Variants in MTMR7 observed in about 807,000 individuals in gnomAD.
The protein encoded by MTMR7 is myotubularin related protein 7, also known as phosphatidylinositol-3-phosphate phosphatase MTMR7.
MTMR7 carries 76 observed loss-of-function variants against 81.2 expected under a neutral mutation model. The ratio of observed to expected loss-of-function variants is 0.94; its 90% CI spans 0.78 to 1.13. MTMR7 has a LOEUF of 1.13. Ranked by LOEUF, MTMR7 falls within the 50% of genes most tolerant of loss-of-function variation. MTMR7 has a pLI of 0.00. For synonymous variants in MTMR7, 372 were observed against 289.8 expected (o/e 1.28, Z -2.88); for missense variants, 1,044 against 820.0 (o/e 1.27, Z -3.34).
intron 8 of MTMR7, among the ~76,000 whole-genome samples, chr8:17,312,028 A>G (rs540067275): frequency 5.3e-5 from 8 of 152,308 alleles, no homozygotes; most frequent in South Asian, 4.1e-4. Flanking sequence ...CAAAAAAGTT[A>G]TAAATTACAG....
At chr8:17,360,477 G>A (rs2150556481) in intron 4 of MTMR7, among the ~76,000 whole-genome samples, 1 of 146,066 alleles carries the variant, frequency 6.8e-6, no homozygotes, top group East Asian at 1.9e-4. Context: ...GTGGGTTTGG[G>A]GTTTTTTTTT....
chr8:17,337,491 G>A (rs17124417), intron 6 of MTMR7, among the ~76,000 whole-genome samples: 9,166 of 152,180 alleles, frequency 0.06, 874 homozygotes, highest in African/African-American at 0.2. Flanking sequence ...CGAAGACTGC[G>A]ACAACACCTT....
At chr8:17,339,756 T>C (rs1366883216) in intron 6 of MTMR7, among the ~76,000 whole-genome samples, 2 of 152,248 alleles carry the variant, frequency 1.3e-5, no homozygotes, top group African/African-American at 4.8e-5. Flanking sequence ...CTCTTGGTTA[T>C]ATACCTAGGA....
At chr8:17,333,321 T>C (rs1047259791) in intron 6 of MTMR7, among the ~76,000 whole-genome samples, 2 of 152,242 alleles carry the variant, frequency 1.3e-5, no homozygotes, top group African/African-American at 4.8e-5. Flanking sequence ...GGGAAAACTT[T>C]TGTAAAATTA....
At chr8:17,337,298 G>A (rs565850893) in intron 6 of MTMR7, among the ~76,000 whole-genome samples, 13 of 151,044 alleles carry the variant, frequency 8.6e-5, no homozygotes, top group Non-Finnish European at 1.8e-4. Context: ...CCGGGAGATG[G>A]AGGTTGCAGT....
intron 1 of MTMR7, among the ~76,000 whole-genome samples, chr8:17,396,028 G>C (rs1157646751): frequency 6.6e-6 from 1 of 151,684 alleles, no homozygotes; most frequent in African/African-American, 2.4e-5. Context: ...CCGGAAATAA[G>C]TATATTTATG....
chr8:17,363,724 A>C (rs1201745140), intron 3 of MTMR7, among the ~76,000 whole-genome samples: 1 of 152,092 alleles, frequency 6.6e-6, no homozygotes, highest in Non-Finnish European at 1.5e-5. Context: ...CAAGCTTCTT[A>C]CCCACAGGCA....
intron 7 of MTMR7, among the ~76,000 whole-genome samples, chr8:17,320,962 C>T (rs1283377397): frequency 1.3e-5 from 2 of 152,030 alleles, no homozygotes; most frequent in Non-Finnish European, 2.9e-5. Flanking sequence ...GCAATTGATT[C>T]CTCCAAGCCT....
intron 4 of MTMR7, among the ~76,000 whole-genome samples, chr8:17,353,388 C>T (rs912030015): frequency 1.4e-4 from 22 of 152,106 alleles, no homozygotes; most frequent in African/African-American, 5.1e-4. Context: ...CTACTTAACA[C>T]TCCTAAACTA....
chr8:17,306,203 G>C (rs769161325), intron 10 of MTMR7, among the ~76,000 whole-genome samples: 1 of 152,124 alleles, frequency 6.6e-6, no homozygotes, highest in Non-Finnish European at 1.5e-5. Context: ...GTTAGTGCAA[G>C]AAATAAAATT....
chr8:17,378,837 G>T (rs1820671066), intron 1 of MTMR7, among the ~76,000 whole-genome samples: 1 of 152,132 alleles, frequency 6.6e-6, no homozygotes, highest in Non-Finnish European at 1.5e-5. Flanking sequence ...AAATCTTGCT[G>T]CCTCTTAGCA....
intron 3 of MTMR7, among the ~76,000 whole-genome samples, chr8:17,368,294 G>A (rs533175563): frequency 2.4e-4 from 37 of 152,248 alleles, no homozygotes; most frequent in Non-Finnish European, 2.5e-4. Flanking sequence ...TTCCTAACCC[G>A]CCATAGACTG....
At chr8:17,313,470 A>G in intron 7 of MTMR7, 69 bp from the exon 8 acceptor site, 1 of 1,022,618 alleles carries the variant, frequency 9.8e-7, no homozygotes, top group Middle Eastern at 2.1e-4. Context: ...ATCATGTTTT[A>G]TAGGTAGTTT....
intron 1 of MTMR7, among the ~76,000 whole-genome samples, chr8:17,393,257 C>T (rs1416852649): frequency 6.6e-6 from 1 of 152,158 alleles, no homozygotes; most frequent in Admixed American, 6.5e-5. Context: ...CTATCTCACA[C>T]CATATACAAA....
intron 1 of MTMR7, among the ~76,000 whole-genome samples, chr8:17,383,565 G>T (rs1820828908): frequency 6.6e-6 from 1 of 152,168 alleles, no homozygotes; most frequent in Non-Finnish European, 1.5e-5. Context: ...TTCAGTCTGG[G>T]TCTAATATTG....
At chr8:17,375,205 C>T (rs928665758) in intron 1 of MTMR7, among the ~76,000 whole-genome samples, 4 of 152,150 alleles carry the variant, frequency 2.6e-5, no homozygotes, top group Non-Finnish European at 5.9e-5. Flanking sequence ...TTCCTCAAAA[C>T]ACCAAGAGCA....
chr8:17,344,432 T>A (rs2150544807), intron 5 of MTMR7, among the ~76,000 whole-genome samples: 1 of 152,238 alleles, frequency 6.6e-6, no homozygotes, highest in Non-Finnish European at 1.5e-5. Context: ...GCCAACATGG[T>A]GAAACCTGTC....
intron 8 of MTMR7, among the ~76,000 whole-genome samples, chr8:17,312,974 G>A (rs1817875685): frequency 6.6e-6 from 1 of 152,094 alleles, no homozygotes; most frequent in African/African-American, 2.4e-5. Context: ...TAAGCCCCAA[G>A]CCCCATCACT....
chr8:17,393,490 C>T lies in MTMR7; in HGVS notation c.24+19779G>A, dbSNP rs564467695. Among the ~76,000 whole-genome samples the T allele has an allele frequency of 1.1e-4, 16 of 152,086 alleles. No homozygotes were observed. The South Asian group carries it at 1.9e-3, about 18-fold the overall frequency. On this transcript the variant is annotated intron_variant, in intron 1 of 13. Transcript: ENST00000180173. The stretch of plus-strand genomic sequence containing the variant: ...AGTCACATATCGAATTATTTAGTAC[C>T]CCAAATCCATAAAGAACATTTACAG...
Sources: gnomAD v4.1 joint callset for allele counts (sites outside exome capture counted in the v4.1 genomes callset) on GRCh38, gnomAD v4.1.1 for gene constraint, MANE v1.5 for transcripts, NCBI Gene and HGNC (gene_info 2026-07-23, HGNC 2026-07-21) for gene names.